The following CCDC178 variants were observed in gnomAD, a reference collection of about 807,000 sequenced individuals.
CCDC178 encodes coiled-coil domain containing 178.
In CCDC178, 126 loss-of-function variants were observed where a neutral mutation model predicts 117.4. The observed-to-expected ratio is 1.07, with a 90% CI of 0.93 to 1.24. CCDC178 has a LOEUF of 1.24. Ranked by LOEUF, CCDC178 falls within the 50% of genes most tolerant of loss-of-function variation. The probability of loss-of-function intolerance (pLI) is 0.00; values close to 1 mark genes in which losing one functional copy is unlikely to be tolerated. For missense variants in CCDC178, 1,030 were observed against 986.9 expected (o/e 1.04, Z -0.59); for synonymous variants, 283 against 313.4 (o/e 0.90, Z 1.02).
intron 12 of CCDC178, among the ~76,000 whole-genome samples, chr18:33,269,163 T>C (rs2059856197): frequency 6.6e-6 from 1 of 151,770 alleles, no homozygotes; most frequent in Admixed American, 6.6e-5. Flanking sequence ...GCACAAAAAC[T>C]CTCTCCCAGA....
At chr18:33,271,533 A>G (rs1169802332) in intron 12 of CCDC178, among the ~76,000 whole-genome samples, 1 of 151,576 alleles carries the variant, frequency 6.6e-6, no homozygotes, top group African/African-American at 2.4e-5. Context: ...ACAAAGAATT[A>G]CATTTTATAA....
intron 22 of CCDC178, among the ~76,000 whole-genome samples, chr18:32,964,084 T>C (rs2054761975): frequency 6.6e-6 from 1 of 151,972 alleles, no homozygotes; most frequent in Non-Finnish European, 1.5e-5. Flanking sequence ...ACATAATCAT[T>C]CCTAAAGGTA....
intron 21 of CCDC178, among the ~76,000 whole-genome samples, chr18:33,031,356 C>G (rs2056338776): frequency 6.6e-6 from 1 of 151,714 alleles, no homozygotes; most frequent in African/African-American, 2.4e-5. Context: ...AAATAATCCT[C>G]TCACCTCAGC....
chr18:33,386,868 G>A (rs773139890), intron 5 of CCDC178, among the ~76,000 whole-genome samples: 4 of 152,070 alleles, frequency 2.6e-5, no homozygotes, highest in Admixed American at 2.6e-4. Context: ...TCTGGCCAGG[G>A]CAATCACGTA....
At chr18:33,085,490 G>A (rs2145048018) in intron 21 of CCDC178, among the ~76,000 whole-genome samples, 1 of 152,234 alleles carries the variant, frequency 6.6e-6, no homozygotes, top group South Asian at 2.1e-4. Context: ...GTGAACCTGG[G>A]AGGCGGAGCT....
At chr18:33,098,939 G>C (rs1035747052) in intron 20 of CCDC178, among the ~76,000 whole-genome samples, 1 of 151,836 alleles carries the variant, frequency 6.6e-6, no homozygotes. Flanking sequence ...CTATCAAGTG[G>C]GGGAACAGCA....
At chr18:33,235,181 G>A (rs2144661400) in intron 15 of CCDC178, among the ~76,000 whole-genome samples, 1 of 152,252 alleles carries the variant, frequency 6.6e-6, no homozygotes, top group Admixed American at 6.5e-5. Flanking sequence ...ATCTGAAAAA[G>A]CACTCAAGGC....
intron 2 of CCDC178, among the ~76,000 whole-genome samples, chr18:33,412,549 C>T (rs2063871938): frequency 6.6e-6 from 1 of 152,096 alleles, no homozygotes; most frequent in Admixed American, 6.5e-5. Flanking sequence ...CAATGGATTT[C>T]TATATCTCCA....
At chr18:33,283,207 G>A (rs2060047128) in intron 12 of CCDC178, among the ~76,000 whole-genome samples, 1 of 152,120 alleles carries the variant, frequency 6.6e-6, no homozygotes, top group Admixed American at 6.5e-5. Flanking sequence ...ATGCAGTCTA[G>A]GAGTTAGGAG....
intron 20 of CCDC178, among the ~76,000 whole-genome samples, chr18:33,123,483 C>G (rs1409388519): frequency 6.6e-6 from 1 of 152,060 alleles, no homozygotes; most frequent in Non-Finnish European, 1.5e-5. Flanking sequence ...CCACCATGCT[C>G]TAACCACATC....
chr18:33,297,377 C>A (rs2062118922), intron 11 of CCDC178, among the ~76,000 whole-genome samples: 1 of 151,810 alleles, frequency 6.6e-6, no homozygotes, highest in Admixed American at 6.6e-5. Context: ...ACAAGAAATT[C>A]ACAGAACAAA....
At chr18:33,126,683 CAG>C (rs1430037124) in intron 20 of CCDC178, among the ~76,000 whole-genome samples, 2 of 151,786 alleles carry the variant, frequency 1.3e-5, no homozygotes, top group African/African-American at 4.8e-5. Context: ...GTTTTTGAGA[CAG>C]AGTCTCGCTG....
intron 2 of CCDC178, among the ~76,000 whole-genome samples, chr18:33,434,189 A>T (rs1298835560): frequency 6.6e-6 from 1 of 152,128 alleles, no homozygotes; most frequent in East Asian, 1.9e-4. Flanking sequence ...GATATAAAAA[A>T]TATAAATAAA....
At chr18:33,035,603 C>T (rs561778663) in intron 21 of CCDC178, among the ~76,000 whole-genome samples, 12 of 151,966 alleles carry the variant, frequency 7.9e-5, no homozygotes, top group East Asian at 1.9e-4. Context: ...AAATGTGTTT[C>T]GCAGGGGCTG....
chr18:33,058,522 T>C (rs894001799), intron 21 of CCDC178, among the ~76,000 whole-genome samples: 4 of 152,162 alleles, frequency 2.6e-5, no homozygotes, highest in East Asian at 1.9e-4. Flanking sequence ...AATTGATACA[T>C]AGCCTCTTCA....
intron 20 of CCDC178, among the ~76,000 whole-genome samples, chr18:33,177,732 T>C (rs923041151): frequency 2.0e-5 from 3 of 152,232 alleles, no homozygotes; most frequent in Non-Finnish European, 4.4e-5. Context: ...CATTGAAATA[T>C]GGCTTCTTCC....
chr18:33,240,423 A>T (rs564382178), intron 15 of CCDC178, among the ~76,000 whole-genome samples: 1 of 151,940 alleles, frequency 6.6e-6, no homozygotes, highest in East Asian at 1.9e-4. Flanking sequence ...ACAAAAATCA[A>T]TGGAACAAAA....
intron 22 of CCDC178, among the ~76,000 whole-genome samples, chr18:32,964,586 C>T (rs537033187): frequency 6.6e-6 from 1 of 151,890 alleles, no homozygotes; most frequent in Non-Finnish European, 1.5e-5. Flanking sequence ...GTAGTCAGGG[C>T]ACATTACTGT....
chr18:33,076,932 G>A (rs2057218662), intron 21 of CCDC178, among the ~76,000 whole-genome samples: 1 of 152,194 alleles, frequency 6.6e-6, no homozygotes, highest in Non-Finnish European at 1.5e-5. Flanking sequence ...TCTGTTGTCT[G>A]AGACAATGGG....
Sources: gnomAD v4.1 joint callset for allele counts (sites outside exome capture counted in the v4.1 genomes callset) on GRCh38, gnomAD v4.1.1 for gene constraint, MANE v1.5 for transcripts, NCBI Gene and HGNC (gene_info 2026-07-23, HGNC 2026-07-21) for gene names.